PLA2G4A: variants seen among roughly 807,000 people sequenced by gnomAD.
PLA2G4A encodes the protein cytosolic phospholipase A2.
Under a neutral mutation model 81.9 loss-of-function variants are expected in PLA2G4A, and 40 were observed. The observed-to-expected ratio is 0.49, with a 90% CI of 0.38 to 0.64. The LOEUF is 0.64. Ranked by LOEUF, PLA2G4A falls within the 30% of genes least tolerant of loss-of-function variation. The pLI is 0.00. For missense variants in PLA2G4A, 715 were observed against 905.1 expected, an observed-to-expected ratio of 0.79 and a Z score of 2.69; for synonymous variants, 302 against 296.9, an observed-to-expected ratio of 1.02 and a Z score of -0.18.
At chr1:186,830,130 A>G (rs1651493365) in intron 1 of PLA2G4A, among the ~76,000 whole-genome samples, 1 of 152,204 alleles carries the variant, frequency 6.6e-6, no homozygotes, top group African/African-American at 2.4e-5. Context: ...AGGTTGGGAT[A>G]AGAAACAGGT....
chr1:186,943,734 C>T (rs893457415), intron 10 of PLA2G4A, among the ~76,000 whole-genome samples: 1 of 152,068 alleles, frequency 6.6e-6, no homozygotes, highest in African/African-American at 2.4e-5. Context: ...TTAAAAAAAA[C>T]AACTAGTCTA....
intron 3 of PLA2G4A, among the ~76,000 whole-genome samples, chr1:186,872,715 A>T (rs574272470): frequency 1.3e-5 from 2 of 152,222 alleles, no homozygotes; most frequent in Non-Finnish European, 2.9e-5. Flanking sequence ...ATAGGGAAAA[A>T]AGTAATGCTG....
intron 6 of PLA2G4A, among the ~76,000 whole-genome samples, chr1:186,909,217 G>T (rs1299344132): frequency 1.3e-5 from 2 of 149,758 alleles, no homozygotes; most frequent in African/African-American, 4.9e-5. Context: ...CTCGTGATCC[G>T]CCTGCCTCGG....
At chr1:186,840,057 C>T (rs1365540186) in intron 1 of PLA2G4A, among the ~76,000 whole-genome samples, 1 of 143,924 alleles carries the variant, frequency 6.9e-6, no homozygotes, top group Non-Finnish European at 1.5e-5. Flanking sequence ...CTCACTGCAA[C>T]CTCTGCCTCC....
chr1:186,939,518 C>T (rs1380271408), intron 9 of PLA2G4A, among the ~76,000 whole-genome samples: 2 of 146,322 alleles, frequency 1.4e-5, no homozygotes, highest in Non-Finnish European at 3.0e-5. Flanking sequence ...AAAAAATTCA[C>T]ATTTTAACCC....
chr1:186,847,725 G>A (rs1030449855), intron 1 of PLA2G4A, among the ~76,000 whole-genome samples: 5 of 152,110 alleles, frequency 3.3e-5, no homozygotes, highest in Non-Finnish European at 5.9e-5. Context: ...GTTTTGGAGA[G>A]CACTGCTGTG....
chr1:186,934,443 CATATATATAT>C (rs71571011), intron 8 of PLA2G4A, among the ~76,000 whole-genome samples: 1 of 99,568 alleles, frequency 1.0e-5, no homozygotes, highest in Admixed American at 1.1e-4. Context: ...TAAATGTGCA[CATATATATAT>C]ATATATATAT....
intron 7 of PLA2G4A, among the ~76,000 whole-genome samples, chr1:186,917,753 G>A (rs1296192562): frequency 6.6e-6 from 1 of 152,188 alleles, no homozygotes; most frequent in Non-Finnish European, 1.5e-5. Flanking sequence ...GTAAGAACCA[G>A]CAAATACTTG....
At chr1:186,959,874 C>A (rs1482852120) in intron 14 of PLA2G4A, among the ~76,000 whole-genome samples, 1 of 151,772 alleles carries the variant, frequency 6.6e-6, no homozygotes, top group East Asian at 1.9e-4. Context: ...AAGCACATTT[C>A]TTTTTAAATT....
intron 3 of PLA2G4A, among the ~76,000 whole-genome samples, chr1:186,891,754 T>C (rs1337208123): frequency 1.3e-5 from 2 of 152,246 alleles, no homozygotes; most frequent in African/African-American, 2.4e-5. Flanking sequence ...AGTGCTGCAA[T>C]AAACACAGGA....
chr1:186,982,241 G>GCTT (rs1206739171), intron 17 of PLA2G4A, among the ~76,000 whole-genome samples: 4 of 152,168 alleles, frequency 2.6e-5, no homozygotes, highest in Non-Finnish European at 5.9e-5. Flanking sequence ...GTTTTTAATT[G>GCTT]CTTCTGCTAC....
intron 2 of PLA2G4A, among the ~76,000 whole-genome samples, chr1:186,868,071 CTTTTTTTTTTT>C (rs59978011): frequency 4.4e-5 from 5 of 112,918 alleles, no homozygotes; most frequent in Non-Finnish European, 6.8e-5. Context: ...GTGTATAATT[CTTTTTTTTTTT>C]TTTTTTTTTT....
rs1652378811 is a variant in PLA2G4A, at chr1:186,851,676, G to T, written c.-69-2610G>T. 2.6e-5 allele frequency among the ~76,000 whole-genome samples: 4 copies of T among 151,872 alleles called. No individual in the cohort carries two copies. The South Asian group carries it at 6.2e-4, about 24-fold the overall frequency. On this transcript the variant is annotated intron_variant, in intron 1 of 17. Coordinates refer to ENST00000367466, the MANE Select transcript of PLA2G4A (RefSeq NM_024420.3). Reference sequence around the variant, plus strand: ...GTAAGGATTATATCACTCAATATAGGTATATATTTCTTGTATTATAAATTT... The same window carrying T: ...GTAAGGATTATATCACTCAATATAGTTATATATTTCTTGTATTATAAATTT...
In PLA2G4A at chr1:186,944,379, G is replaced by A. The variant is rs1035858321; in HGVS notation, c.1034-2258G>A. On this transcript the variant is annotated intron_variant, in intron 10 of 17. Transcript: ENST00000367466. ...AGTTACTATGTGCCCAGGCCATGGC[G>A]CTAATCAAGAAGAGATCGCTAGAAA... Among the ~76,000 whole-genome samples, 4 of 152,198 alleles carry A rather than the reference G, an allele frequency of 2.6e-5. No homozygotes were observed. The South Asian group carries it at 6.2e-4, about 24-fold the overall frequency.
At chr1:186,964,653 C>T (rs1056795714) in intron 14 of PLA2G4A, among the ~76,000 whole-genome samples, 2 of 152,202 alleles carry the variant, frequency 1.3e-5, no homozygotes, top group African/African-American at 2.4e-5. Flanking sequence ...AAGTTACTTA[C>T]TCCTTATTAT....
intron 5 of PLA2G4A, 142 bp downstream of exon 5, chr1:186,894,353 TTTTAC>T (rs1442622716): frequency 1.6e-6 from 1 of 632,658 alleles, no homozygotes. Context: ...TTGTTTTTCT[TTTTAC>T]TTTTTGTCCT....
intron 14 of PLA2G4A, among the ~76,000 whole-genome samples, chr1:186,963,430 A>T (rs1657027271): frequency 6.6e-6 from 1 of 152,246 alleles, no homozygotes; most frequent in Admixed American, 6.5e-5. Context: ...AGAAAACAGA[A>T]TTGATCTACA....
intron 3 of PLA2G4A, among the ~76,000 whole-genome samples, chr1:186,877,160 G>C (rs188729355): frequency 2.0e-5 from 3 of 152,012 alleles, no homozygotes. Flanking sequence ...GTTTCACAGT[G>C]ATCAGAAGCT....
In PLA2G4A at chr1:186,839,493, C is replaced by T. The variant is rs375414750; in HGVS notation, c.-70+10458C>T. Among the ~76,000 whole-genome samples the T allele has an allele frequency of 2.5e-4, 38 of 152,246 alleles. No homozygotes were observed. The East Asian group carries it at 3.3e-3, about 13-fold the overall frequency. The stretch of plus-strand genomic sequence containing the variant: ...AGTATAACATTGTTTTTGTTAATTT[C>T]GTATTTTCCAAAGAACCCATTGAGG... On this transcript the variant is annotated intron_variant, in intron 1 of 17. Transcript: ENST00000367466.
Sources: gnomAD v4.1 joint callset for allele counts (sites outside exome capture counted in the v4.1 genomes callset) on GRCh38, gnomAD v4.1.1 for gene constraint, MANE v1.5 for transcripts, NCBI Gene and HGNC (gene_info 2026-07-23, HGNC 2026-07-21) for gene names.